The following CAST variants were observed in gnomAD, a reference collection of about 807,000 sequenced individuals.
CAST encodes calpastatin, also known as MIR583 host.
In CAST, 76 loss-of-function variants were observed where a neutral mutation model predicts 119.6. That is an observed-to-expected ratio of 0.64 (90% CI 0.53 to 0.77). CAST has a LOEUF of 0.77. Ranked by LOEUF, CAST falls within the 30% of genes least tolerant of loss-of-function variation. The pLI is 0.00. For synonymous variants in CAST, 319 were observed against 331.6 expected, an observed-to-expected ratio of 0.96 and a Z score of 0.41; for missense variants, 953 against 946.5, an observed-to-expected ratio of 1.01 and a Z score of -0.09.
At chr5:96,383,239 T>A in the CAST span, among the ~76,000 whole-genome samples, 1 of 115,068 alleles carries the variant, frequency 8.7e-6, no homozygotes, top group African/African-American at 4.2e-5. Flanking sequence ...AGGAAAGAAG[T>A]AACTAGAAAA....
the CAST span, among the ~76,000 whole-genome samples, chr5:96,305,416 T>C: frequency 7.9e-5 from 12 of 152,222 alleles, no homozygotes; most frequent in Non-Finnish European, 1.6e-4. Flanking sequence ...CAATTTGACT[T>C]TCTCTCTGCC....
intron 1 of CAST, among the ~76,000 whole-genome samples, chr5:96,618,025 G>A (rs1013572389): frequency 6.6e-6 from 1 of 152,092 alleles, no homozygotes; most frequent in South Asian, 2.1e-4. Context: ...ACAGGACAAG[G>A]ATCTTCTAGG....
chr5:96,606,471 G>A (rs912587987), intron 1 of CAST, among the ~76,000 whole-genome samples: 1 of 152,212 alleles, frequency 6.6e-6, no homozygotes. Context: ...GCCAGCATGA[G>A]ACACTGGGAC....
intron 1 of CAST, among the ~76,000 whole-genome samples, chr5:96,600,374 A>G (rs1747127607): frequency 6.6e-6 from 1 of 152,234 alleles, no homozygotes; most frequent in African/African-American, 2.4e-5. Context: ...CACAGCCTCA[A>G]GCAAGAGCCC....
At chr5:96,469,865 G>GTATATATATATATAT in the CAST span, among the ~76,000 whole-genome samples, 10 of 129,310 alleles carry the variant, frequency 7.7e-5, no homozygotes, top group Non-Finnish European at 1.6e-4. Flanking sequence ...ATATGTGTGT[G>GTATATATATATATAT]TATATATATA....
chr5:96,360,523 T>C, the CAST span, among the ~76,000 whole-genome samples: 1 of 152,214 alleles, frequency 6.6e-6, no homozygotes, highest in Admixed American at 6.5e-5. Context: ...GGTGTGGACG[T>C]CCTTTTTGTT....
intron 1 of CAST, among the ~76,000 whole-genome samples, chr5:96,548,956 A>T (rs528275348): frequency 2.6e-5 from 4 of 152,312 alleles, no homozygotes; most frequent in African/African-American, 4.8e-5. Flanking sequence ...GCAAGCCTGA[A>T]GGTGAGCATC....
the CAST span, among the ~76,000 whole-genome samples, chr5:96,004,469 T>C: frequency 6.6e-6 from 1 of 152,216 alleles, no homozygotes; most frequent in Non-Finnish European, 1.5e-5. Flanking sequence ...CAAAATAACA[T>C]GATATTTTAT....
At chr5:96,710,813 T>A (rs1383160133) in intron 3 of CAST, among the ~76,000 whole-genome samples, 5 of 152,180 alleles carry the variant, frequency 3.3e-5, no homozygotes, top group African/African-American at 1.2e-4. Flanking sequence ...GAGTTTTTAA[T>A]CAATTAGTTA....
chr5:96,244,814 G>A, the CAST span, among the ~76,000 whole-genome samples: 6 of 152,176 alleles, frequency 3.9e-5, no homozygotes, highest in East Asian at 1.9e-4. Flanking sequence ...TTTAAGTGGC[G>A]TCTATTCATT....
the CAST span, among the ~76,000 whole-genome samples, chr5:96,441,988 C>G: frequency 1.3e-5 from 2 of 152,154 alleles, no homozygotes; most frequent in Non-Finnish European, 2.9e-5. Flanking sequence ...ACAATTTTCA[C>G]AAGGATTTCC....
At chr5:96,363,501 T>C in the CAST span, among the ~76,000 whole-genome samples, 2 of 152,160 alleles carry the variant, frequency 1.3e-5, no homozygotes, top group African/African-American at 4.8e-5. Flanking sequence ...TGTGTCCTCT[T>C]TTATGTCGTT....
intron 1 of CAST, among the ~76,000 whole-genome samples, chr5:96,618,284 A>C (rs1427305839): frequency 6.6e-6 from 1 of 152,262 alleles, no homozygotes; most frequent in Admixed American, 6.5e-5. Context: ...AGAGCTTTGC[A>C]GTCAGGCTAG....
intron 1 of CAST, among the ~76,000 whole-genome samples, chr5:96,632,751 T>C (rs1747838516): frequency 6.6e-6 from 1 of 151,942 alleles, no homozygotes; most frequent in Non-Finnish European, 1.5e-5. Context: ...CATAAACATG[T>C]GGTTTATGTG....
chr5:96,157,267 C>G, the CAST span, among the ~76,000 whole-genome samples: 2 of 152,140 alleles, frequency 1.3e-5, no homozygotes, highest in Non-Finnish European at 2.9e-5. Flanking sequence ...TCAACATCCA[C>G]GGGCCCTGGT....
intron 1 of CAST, among the ~76,000 whole-genome samples, chr5:96,554,442 C>A (rs1028952471): frequency 6.6e-6 from 1 of 152,138 alleles, no homozygotes; most frequent in African/African-American, 2.4e-5. Context: ...GACGTAGGAC[C>A]ATAAAAATCC....
intron 2 of CAST, chr5:96,679,226 C>T (rs1287580368): frequency 6.6e-6 from 1 of 152,098 alleles, no homozygotes; most frequent in East Asian, 1.9e-4. Flanking sequence ...AATACAAATA[C>T]TTGAGGATAG....
chr5:96,546,758 A>G (rs1379452911), intron 1 of CAST, among the ~76,000 whole-genome samples: 1 of 152,172 alleles, frequency 6.6e-6, no homozygotes, highest in Non-Finnish European at 1.5e-5. Flanking sequence ...CAAAATACAA[A>G]AAGGCCCATC....
intron 1 of CAST, among the ~76,000 whole-genome samples, chr5:96,589,389 T>G (rs1746923751): frequency 6.6e-6 from 1 of 152,222 alleles, no homozygotes; most frequent in African/African-American, 2.4e-5. Flanking sequence ...TCAATCCTTT[T>G]TCTTCTTTAA....
Sources: allele counts gnomAD v4.1 joint callset (sites outside exome capture counted in the v4.1 genomes callset), GRCh38; gene constraint gnomAD v4.1.1; transcripts MANE v1.5; gene names NCBI Gene and HGNC (gene_info 2026-07-23, HGNC 2026-07-21).